STAG1: variants seen among roughly 807,000 people sequenced by gnomAD.
STAG1 encodes cohesin subunit SA-1.
STAG1 carries 26 observed loss-of-function variants against 170.9 expected under a neutral mutation model. The ratio of observed to expected loss-of-function variants is 0.15; its 90% confidence interval spans 0.11 to 0.21. The LOEUF (loss-of-function observed/expected upper bound fraction) is 0.21, where lower values mean the gene tolerates loss of function less well. Ranked by LOEUF, STAG1 falls within the 10% of genes least tolerant of loss-of-function variation. STAG1 has a pLI of 1.00. For missense variants in STAG1, 964 were observed against 1,509.5 expected (o/e 0.64, Z 5.99); for synonymous variants, 514 against 497.7 (o/e 1.03, Z -0.44).
At chr3:136,436,207 C>T (rs2088457178) in intron 15 of STAG1, among the ~76,000 whole-genome samples, 1 of 152,154 alleles carries the variant, frequency 6.6e-6, no homozygotes, top group Non-Finnish European at 1.5e-5. Flanking sequence ...CCACCGGCCT[C>T]AGCCTCTCAA....
In STAG1 at chr3:136,452,100, C is replaced by G; in HGVS notation, c.1361G>C (p.Arg454Thr). The G allele has an allele frequency of 6.2e-7, 1 of 1,613,562 alleles. No individual in the cohort carries two copies. Among genetic ancestry groups the G allele is most frequent in the Non-Finnish European group, 8.5e-7 (1 of 1,179,872 alleles). ...DPQAEEALAK[R>T]RGRNSPNGNL... ...TCCATTCGGGCTGTTTCTTCCCCTC[C>G]TCTTTGCTAATGCTTCTTCTGCTTG... The change falls in exon 14 of 34, where the codon AGG becomes ACG. Residue 454 changes from arginine (R) to threonine (T), a missense_variant. By Grantham distance (71) the Arg-to-Thr change is moderately conservative. This residue lies in a region of STAG1 where 162 missense variants were observed against 211.2 expected (regional missense o/e 0.77). Transcript: ENST00000383202.
At chr3:136,347,607 T>C (rs1374493678) in intron 29 of STAG1, among the ~76,000 whole-genome samples, 1 of 152,204 alleles carries the variant, frequency 6.6e-6, no homozygotes, top group East Asian at 1.9e-4. Flanking sequence ...AATTCTTTTA[T>C]TCCTTTTGAA....
At chr3:136,697,374 T>A (rs534031559) in intron 1 of STAG1, among the ~76,000 whole-genome samples, 1 of 152,182 alleles carries the variant, frequency 6.6e-6, no homozygotes, top group Non-Finnish European at 1.5e-5. Flanking sequence ...AAAATCTCAG[T>A]TCCCACCCGA....
At chr3:136,595,841 T>C (rs1335460054) in intron 4 of STAG1, among the ~76,000 whole-genome samples, 15 of 151,930 alleles carry the variant, frequency 9.9e-5, no homozygotes, top group African/African-American at 3.6e-4. Flanking sequence ...CAGAAAGGCA[T>C]TTCTAAAAAT....
chr3:136,665,779 C>CA (rs1335180026), intron 1 of STAG1, among the ~76,000 whole-genome samples: 8,607 of 80,230 alleles, frequency 0.11, 404 homozygotes, highest in Non-Finnish European at 0.14. Context: ...GATTCCGTCT[C>CA]AAAAAAAAAA....
chr3:136,628,150 T>C (rs1940186632), intron 2 of STAG1, among the ~76,000 whole-genome samples: 1 of 152,064 alleles, frequency 6.6e-6, no homozygotes, highest in Non-Finnish European at 1.5e-5. Flanking sequence ...TCTCACGAGA[T>C]CTGATGGTTT....
intron 5 of STAG1, among the ~76,000 whole-genome samples, chr3:136,546,370 A>T (rs1306094803): frequency 6.6e-6 from 1 of 152,164 alleles, no homozygotes; most frequent in Non-Finnish European, 1.5e-5. Context: ...AAACATACGA[A>T]AATTCATGTC....
At chr3:136,539,807 CTGTT>C (rs1223570359) in intron 6 of STAG1, among the ~76,000 whole-genome samples, 1 of 152,178 alleles carries the variant, frequency 6.6e-6, no homozygotes, top group Non-Finnish European at 1.5e-5. Context: ...TTGTAATAAT[CTGTT>C]TGTAACAAAG....
intron 1 of STAG1, among the ~76,000 whole-genome samples, chr3:136,637,108 C>T (rs1940594852): frequency 6.6e-6 from 1 of 152,178 alleles, no homozygotes; most frequent in South Asian, 2.1e-4. Flanking sequence ...AACATTATAA[C>T]AAAATGATAT....
At chr3:136,491,019 ACTC>A (rs1312828912) in intron 9 of STAG1, among the ~76,000 whole-genome samples, 2 of 151,930 alleles carry the variant, frequency 1.3e-5, no homozygotes, top group Non-Finnish European at 2.9e-5. Flanking sequence ...TCCCTAACCT[ACTC>A]AGCACTCATT....
chr3:136,568,189 TC>T (rs1266838302), intron 5 of STAG1, among the ~76,000 whole-genome samples: 2 of 151,420 alleles, frequency 1.3e-5, no homozygotes, highest in African/African-American at 4.9e-5. Context: ...ACAACTCACT[TC>T]CCCCCATGTA....
intron 16 of STAG1, among the ~76,000 whole-genome samples, chr3:136,426,928 G>T (rs1413679630): frequency 6.6e-6 from 1 of 152,004 alleles, no homozygotes; most frequent in East Asian, 1.9e-4. Context: ...TTAGCCAGGT[G>T]TGGCGCCTGT....
At chr3:136,431,760 C>T (rs2088309785) in intron 16 of STAG1, among the ~76,000 whole-genome samples, 1 of 152,114 alleles carries the variant, frequency 6.6e-6, no homozygotes, top group African/African-American at 2.4e-5. Context: ...TTCTGGACTC[C>T]ACTATTTCTG....
chr3:136,724,415 T>C (rs1158395032), intron 1 of STAG1, among the ~76,000 whole-genome samples: 1 of 151,114 alleles, frequency 6.6e-6, no homozygotes, highest in Non-Finnish European at 1.5e-5. Context: ...GCATGCTCGT[T>C]AAGAGTCATC....
chr3:136,667,395 AAGAT>A (rs371424112), intron 1 of STAG1, among the ~76,000 whole-genome samples: 1,869 of 152,302 alleles, frequency 0.012, 13 homozygotes, highest in African/African-American at 0.02. Flanking sequence ...ACAAAAAAGA[AAGAT>A]AGATAGATAG....
chr3:136,367,166 A>T lies in STAG1; in HGVS notation c.2546-84T>A, dbSNP rs904951182. 128 of 1,125,490 alleles carry T rather than the reference A, an allele frequency of 1.1e-4. 1 individual carries two copies. The Middle Eastern group carries it at 2.3e-3, about 20-fold the overall frequency. 69.7% of individuals were successfully genotyped at this position (1,125,490 alleles called of 1,614,324 possible). A position where few individuals can be genotyped will look rare whatever the true frequency, so the allele number is the denominator to read the frequency against. ...CAGATAATCTGTATAATTGAAAATTAGCTTAATATTATAACTTCACAAATA... is the reference window on the plus strand; with the variant it reads ...CAGATAATCTGTATAATTGAAAATTTGCTTAATATTATAACTTCACAAATA... On this transcript the variant is annotated intron_variant, in intron 24 of 33. Transcript: ENST00000383202.
At chr3:136,561,832 C>A (rs927943480) in intron 5 of STAG1, among the ~76,000 whole-genome samples, 43 of 109,768 alleles carry the variant, frequency 3.9e-4, no homozygotes, top group Admixed American at 6.9e-4. Flanking sequence ...TTTTTTTTTT[C>A]ATTTTTGTAC....
intron 3 of STAG1, among the ~76,000 whole-genome samples, chr3:136,614,761 G>A (rs1939497113): frequency 6.6e-6 from 1 of 151,576 alleles, no homozygotes. Flanking sequence ...CAGTATGAAT[G>A]TGCAATGACT....
intron 3 of STAG1, among the ~76,000 whole-genome samples, chr3:136,606,709 CA>C (rs1938959031): frequency 6.7e-6 from 1 of 148,556 alleles, no homozygotes; most frequent in South Asian, 2.1e-4. Context: ...CATAACTAGA[CA>C]AGGGATTATG....
Sources: gnomAD v4.1 joint callset for allele counts (sites outside exome capture counted in the v4.1 genomes callset) on GRCh38, gnomAD v4.1.1 for gene constraint, gnomAD v4.1.1 regional missense constraint, MANE v1.5 for transcripts, NCBI Gene and HGNC (gene_info 2026-07-23, HGNC 2026-07-21) for gene names.